Variants in ZNF684 observed in about 807,000 individuals in gnomAD.
The protein encoded by ZNF684 is hypothetical protein MGC27466.
Under a neutral mutation model 12.8 loss-of-function variants are expected in ZNF684, and 13 were observed. That is an observed-to-expected ratio of 1.02 (90% CI 0.66 to 1.62). ZNF684 has a LOEUF of 1.62. ZNF684 is among the 40% of genes most tolerant of loss of function. The probability of loss-of-function intolerance (pLI) is 0.00; values close to 1 mark genes in which losing one functional copy is unlikely to be tolerated. For missense variants in ZNF684, 384 were observed against 446.9 expected (o/e 0.86, Z 1.27); for synonymous variants, 118 against 151.8 (o/e 0.78, Z 1.64).
Position 40,540,111 on chromosome 1 carries a change from A to C in ZNF684, c.16-475A>C, listed in dbSNP as rs1437527663. 2.0e-5 allele frequency among the ~76,000 whole-genome samples: 3 copies of C among 152,098 alleles called. No homozygotes were observed. The East Asian group carries it at 5.8e-4, about 29-fold the overall frequency. On this transcript the variant is annotated intron_variant, in intron 2 of 4. Coordinates refer to ENST00000372699, the MANE Select transcript of ZNF684 (RefSeq NM_152373.4). ...ATGGAGCACAGAAGTTTTAATTTTGATGAATTCCTATTTATTTTTTATTTT... is the reference window on the plus strand; with the variant it reads ...ATGGAGCACAGAAGTTTTAATTTTGCTGAATTCCTATTTATTTTTTATTTT...
At chr1:40,543,921 A>G (rs142574020) in intron 4 of ZNF684, among the ~76,000 whole-genome samples, 103 of 152,206 alleles carry the variant, frequency 6.8e-4, no homozygotes, top group African/African-American at 2.4e-3. Flanking sequence ...TGACTCTGTC[A>G]TGAAAAATTT....
chr1:40,536,188 T>C (rs2124507280), intron 2 of ZNF684, among the ~76,000 whole-genome samples: 1 of 152,046 alleles, frequency 6.6e-6, no homozygotes, highest in South Asian at 2.1e-4. Flanking sequence ...GGTCAGGAGA[T>C]CGAGACCATC....
intron 2 of ZNF684, among the ~76,000 whole-genome samples, chr1:40,535,197 G>A (rs1171252416): frequency 6.6e-6 from 1 of 152,136 alleles, no homozygotes; most frequent in Non-Finnish European, 1.5e-5. Context: ...TCTAGTCACT[G>A]CAGTTTTGAA....
At chr1:40,543,237 T>A (rs1377196771) in intron 4 of ZNF684, among the ~76,000 whole-genome samples, 1 of 152,240 alleles carries the variant, frequency 6.6e-6, no homozygotes, top group Non-Finnish European at 1.5e-5. Flanking sequence ...TTCTATTTTC[T>A]AGTTTACATT....
At chr1:40,537,199 T>C (rs1355155251) in intron 2 of ZNF684, among the ~76,000 whole-genome samples, 1 of 152,156 alleles carries the variant, frequency 6.6e-6, no homozygotes, top group African/African-American at 2.4e-5. Flanking sequence ...TTTTAATGAT[T>C]GCCATTCTAA....
intron 2 of ZNF684, 99 bp from the exon 3 acceptor site, chr1:40,540,487 C>T: frequency 7.9e-7 from 1 of 1,262,488 alleles, no homozygotes; most frequent in Non-Finnish European, 1.1e-6. Context: ...TCTACAAACT[C>T]AACAGTGAAC....
At chr1:40,543,517 C>T (rs1160756835) in intron 4 of ZNF684, among the ~76,000 whole-genome samples, 1 of 149,074 alleles carries the variant, frequency 6.7e-6, no homozygotes, top group Non-Finnish European at 1.5e-5. Context: ...AGTGCAGTTG[C>T]GAGATCTGGG....
chr1:40,543,774 C>T (rs1409785456), intron 4 of ZNF684, among the ~76,000 whole-genome samples: 1 of 152,152 alleles, frequency 6.6e-6, no homozygotes, highest in Non-Finnish European at 1.5e-5. Flanking sequence ...GTTTTCTTCT[C>T]TGCATCAATC....
chr1:40,541,529 T>C, intron 3 of ZNF684, 86 bp from the exon 4 acceptor site: 1 of 1,045,464 alleles, frequency 9.6e-7, no homozygotes. Context: ...TTAAAAATCC[T>C]GAGACTCAAG....
intron 4 of ZNF684, among the ~76,000 whole-genome samples, chr1:40,542,209 A>G (rs552423684): frequency 6.6e-6 from 1 of 152,232 alleles, no homozygotes; most frequent in Non-Finnish European, 1.5e-5. Context: ...ATATGAGGTA[A>G]TACATGCAAA....
intron 4 of ZNF684, among the ~76,000 whole-genome samples, chr1:40,541,941 G>A (rs1646018973): frequency 6.6e-6 from 1 of 152,088 alleles, no homozygotes; most frequent in Non-Finnish European, 1.5e-5. Flanking sequence ...TGTCTCCTCA[G>A]GCTTCTCACA....
intron 2 of ZNF684, among the ~76,000 whole-genome samples, chr1:40,539,654 G>C (rs1286496469): frequency 6.6e-6 from 1 of 152,126 alleles, no homozygotes; most frequent in East Asian, 1.9e-4. Flanking sequence ...TGTCCTCATA[G>C]AAGTGAAATG....
chr1:40,537,874 A>G lies in ZNF684; in HGVS notation c.16-2712A>G, dbSNP rs183154400. Among the ~76,000 whole-genome samples the G allele has an allele frequency of 4.5e-4, 69 of 152,316 alleles. No individual in the cohort carries two copies. The East Asian group carries it at 0.011, about 24-fold the overall frequency. On this transcript the variant is annotated intron_variant, in intron 2 of 4. Coordinates refer to ENST00000372699, the MANE Select transcript of ZNF684 (RefSeq NM_152373.4). ...AAAGCAATTCCATACCCTAATTAGC[A>G]GTCACTACTCATTCCTCCCTTTCCC... is the stretch of plus-strand genomic sequence containing the variant.
chr1:40,538,442 G>A (rs955460126), intron 2 of ZNF684, among the ~76,000 whole-genome samples: 1 of 151,952 alleles, frequency 6.6e-6, no homozygotes, highest in Non-Finnish European at 1.5e-5. Flanking sequence ...CCACTTTTTT[G>A]ACTATGAATA....
chr1:40,538,097 TTCTCCCACCTCAG>T (rs2124508436), intron 2 of ZNF684, among the ~76,000 whole-genome samples: 1 of 152,284 alleles, frequency 6.6e-6, no homozygotes, highest in South Asian at 2.1e-4. Context: ...CCTCAAACAG[TTCTCCCACCTCAG>T]TCTCCCAAGT....
intron 2 of ZNF684, among the ~76,000 whole-genome samples, chr1:40,536,766 TG>T (rs1420385026): frequency 2.0e-5 from 3 of 150,250 alleles, no homozygotes; most frequent in Non-Finnish European, 4.4e-5. Context: ...ATGCAGTGTT[TG>T]GTTTTTTGTT....
At position 40,548,006 on chromosome 1, in the gene ZNF684, A is replaced by T. The variant is rs1646059102; in HGVS notation, c.*546A>T. On this transcript the variant is annotated 3_prime_UTR_variant, in exon 5 of 5. Transcript: ENST00000372699. Reference sequence around the variant, plus strand: ...TTAATTATACAAGTGAAGACTTCTTATTAAAATTAATATAAAGATATTTTC... The same window carrying T: ...TTAATTATACAAGTGAAGACTTCTTTTTAAAATTAATATAAAGATATTTTC... The T allele has an allele frequency of 6.6e-6, 1 of 152,238 alleles. No homozygotes were observed. The highest frequency in any genetic ancestry group is 6.5e-5 in the Admixed American group (1 of 15,274). The allele number at this position is 152,238 out of a possible 1,614,324, so 9.4% of individuals were successfully genotyped here.
intron 4 of ZNF684, among the ~76,000 whole-genome samples, chr1:40,542,636 C>A (rs983233400): frequency 7.7e-4 from 118 of 152,322 alleles, no homozygotes; most frequent in Admixed American, 7.6e-3. Flanking sequence ...GCCTCACCAA[C>A]TTTTCATTCC....
Position 40,546,643 on chromosome 1 carries a change from T to C in ZNF684, c.320T>C (p.Phe107Ser), listed in dbSNP as rs1309063057. 1.2e-6 allele frequency: 2 copies of C among 1,600,866 alleles called. No individual in the cohort carries two copies. The highest frequency in any genetic ancestry group is 8.5e-7 in the Non-Finnish European group (1 of 1,175,920). ...TTTTTGAAGTCAGTTTTGCTCACAT[T>C]CAATAAAATTCTGACTATGGAGAGA... ...DNFLKSVLLT[F>S]NKILTMERIH... Residue 107 changes from phenylalanine to serine, a missense_variant, in exon 5 of 5, where the codon TTC (phenylalanine) becomes TCC (serine). Transcript: ENST00000372699.
Sources: gnomAD v4.1 joint callset for allele counts (sites outside exome capture counted in the v4.1 genomes callset) on GRCh38, gnomAD v4.1.1 for gene constraint, MANE v1.5 for transcripts, NCBI Gene and HGNC (gene_info 2026-07-23, HGNC 2026-07-21) for gene names.